Variants in ETFA observed in about 807,000 individuals in gnomAD.
ETFA encodes the protein electron transfer flavoprotein subunit alpha, mitochondrial.
Under a neutral mutation model 46.2 loss-of-function variants are expected in ETFA, and 22 were observed. That is an observed-to-expected ratio of 0.48 (90% CI 0.34 to 0.68). The LOEUF (loss-of-function observed/expected upper bound fraction) is 0.68. Among genes scored for constraint, ETFA ranks in the 30% least tolerant of loss-of-function variants. The pLI is 0.01. For missense variants in ETFA, 345 were observed against 401.1 expected (o/e 0.86, Z 1.19); for synonymous variants, 131 against 139.9 (o/e 0.94, Z 0.45).
chr15:76,285,088 T>G lies in ETFA; in HGVS notation c.664+549A>C, dbSNP rs549774319. On this transcript the variant is annotated intron_variant, in intron 7 of 11. Transcript: ENST00000557943. ...AAAAAGCATAACAGTCCTTATTTTT[T>G]CAAAAAGTTAGTCAGTGGGCCATAA... is the stretch of plus-strand genomic sequence containing the variant. Among the ~76,000 whole-genome samples, 4 of 152,268 alleles carry G rather than the reference T, an allele frequency of 2.6e-5. No individual in the cohort carries two copies. The South Asian group carries it at 8.3e-4, about 32-fold the overall frequency.
At chr15:76,274,175 G>C (rs1272563021) in intron 9 of ETFA, 4 of 512,418 alleles carry the variant, frequency 7.8e-6, no homozygotes, top group Non-Finnish European at 1.4e-5. Flanking sequence ...GACTTAATTT[G>C]ATAAAATGTT....
chr15:76,260,974 A>C, intron 9 of ETFA: 2 of 1,610,190 alleles, frequency 1.2e-6, no homozygotes, highest in African/African-American at 2.7e-5. Flanking sequence ...CCTGGCATCC[A>C]GGCCACACTA....
chr15:76,236,976 T>A (rs940575232), intron 9 of ETFA, among the ~76,000 whole-genome samples: 1 of 152,150 alleles, frequency 6.6e-6, no homozygotes, highest in African/African-American at 2.4e-5. Flanking sequence ...AAATGGAAAT[T>A]TAAAAATACA....
At chr15:76,235,027 A>G (rs528689100) in intron 9 of ETFA, among the ~76,000 whole-genome samples, 1 of 152,270 alleles carries the variant, frequency 6.6e-6, no homozygotes, top group South Asian at 2.1e-4. Flanking sequence ...TAGGCTCTGT[A>G]GCCTCATTGC....
intron 7 of ETFA, 51 bp from the exon 8 acceptor site, chr15:76,283,876 T>G (rs1238286218): frequency 7.4e-7 from 1 of 1,356,416 alleles, no homozygotes; most frequent in Admixed American, 1.7e-5. Flanking sequence ...AAATACATTC[T>G]GGAACAATTT....
At chr15:76,262,518 T>C (rs1451703760) in intron 9 of ETFA, among the ~76,000 whole-genome samples, 1 of 134,294 alleles carries the variant, frequency 7.4e-6, no homozygotes, top group Non-Finnish European at 1.5e-5. Context: ...TGTCTCGCTC[T>C]GTCACCCAGG....
At chr15:76,289,691 G>C (rs1320033325) in intron 4 of ETFA, among the ~76,000 whole-genome samples, 1 of 152,156 alleles carries the variant, frequency 6.6e-6, no homozygotes, top group Non-Finnish European at 1.5e-5. Flanking sequence ...TAAAATTCTA[G>C]CAGACAAGTA....
intron 11 of ETFA, among the ~76,000 whole-genome samples, chr15:76,221,885 TAA>T (rs1320475077): frequency 2.0e-5 from 3 of 152,194 alleles, no homozygotes; most frequent in Non-Finnish European, 2.9e-5. Flanking sequence ...ACAATTAATA[TAA>T]GAGAATAAAA....
intron 9 of ETFA, among the ~76,000 whole-genome samples, chr15:76,256,965 T>C (rs1287041823): frequency 2.0e-5 from 3 of 152,252 alleles, no homozygotes; most frequent in Non-Finnish European, 4.4e-5. Flanking sequence ...TCTAGGTTTG[T>C]GTAAGTACAC....
At chr15:76,262,297 A>C (rs749678728) in intron 9 of ETFA, among the ~76,000 whole-genome samples, 46 of 151,990 alleles carry the variant, frequency 3.0e-4, no homozygotes, top group African/African-American at 1.1e-3. Flanking sequence ...TATCTAAAAC[A>C]TGTGTAACTA....
In ETFA at chr15:76,274,601, T is replaced by C. The variant is rs149102851; in HGVS notation, c.734-107A>G. On this transcript the variant is annotated intron_variant, in intron 8 of 11. Coordinates refer to ENST00000557943, the MANE Select transcript of ETFA (RefSeq NM_000126.4). ...GACATTGATTTAGAATTCTAAGTAC[T>C]AGTATATTTTATACAGAAAGCTTCA... 911 of 885,234 alleles carry C rather than the reference T, an allele frequency of 1.0e-3. 5 individuals are homozygous for C. The African/African-American group carries it at 0.013, about 13-fold the overall frequency. 54.8% of individuals were successfully genotyped at this position (885,234 alleles called of 1,614,324 possible).
chr15:76,232,577 T>C (rs2039080080), intron 9 of ETFA, among the ~76,000 whole-genome samples: 1 of 152,240 alleles, frequency 6.6e-6, no homozygotes, highest in South Asian at 2.1e-4. Flanking sequence ...CCCACCTTGT[T>C]TTCTGCACTG....
At chr15:76,271,940 CCCT>C (rs1385370441) in intron 9 of ETFA, among the ~76,000 whole-genome samples, 2 of 150,008 alleles carry the variant, frequency 1.3e-5, no homozygotes, top group East Asian at 2.0e-4. Flanking sequence ...CACACACACA[CCCT>C]GAGTTAATGA....
At position 76,295,591 on chromosome 15, in the gene ETFA, C is replaced by T; in HGVS notation, c.186G>A (p.Lys62=). The change falls in exon 2 of 12, where the codon AAG becomes AAA. Residue 62 remains lysine (K), a splice_region_variant and synonymous_variant. Coordinates refer to ENST00000557943, the MANE Select transcript of ETFA (RefSeq NM_000126.4). ...ATGGCTGACCTTAAAAATTTCTCAC[C>T]TTGTCACATTTGGTTCCAGCTACTA... ...SCLVAGTKCD[K]VAQDLCKVAG... 1 of 1,613,286 alleles carries T rather than the reference C, an allele frequency of 6.2e-7. No homozygotes were observed. The highest frequency in any genetic ancestry group is 8.5e-7 in the Non-Finnish European group (1 of 1,179,344).
intron 11 of ETFA, among the ~76,000 whole-genome samples, chr15:76,222,604 C>T (rs55772702): frequency 0.099 from 15,019 of 152,110 alleles, 906 homozygotes; most frequent in South Asian, 0.14. Flanking sequence ...TGGTGAGCCA[C>T]CCAGCTGTAG....
chr15:76,236,087 T>G (rs2039119372), intron 9 of ETFA, among the ~76,000 whole-genome samples: 1 of 152,220 alleles, frequency 6.6e-6, no homozygotes, highest in Admixed American at 6.5e-5. Flanking sequence ...AGAAAGTAAG[T>G]ATATACTAAC....
intron 10 of ETFA, among the ~76,000 whole-genome samples, chr15:76,227,425 G>T (rs2039014725): frequency 6.8e-6 from 1 of 146,062 alleles, no homozygotes; most frequent in Non-Finnish European, 1.5e-5. Flanking sequence ...GCTCAGACAG[G>T]AGAATCGCTC....
chr15:76,263,155 C>G (rs192284293), intron 9 of ETFA, among the ~76,000 whole-genome samples: 66 of 152,336 alleles, frequency 4.3e-4, no homozygotes, highest in Non-Finnish European at 7.9e-4. Flanking sequence ...CCACCTGTTT[C>G]TTTGTTTGAT....
At chr15:76,281,425 A>C (rs1012614926) in intron 8 of ETFA, among the ~76,000 whole-genome samples, 3 of 149,940 alleles carry the variant, frequency 2.0e-5, no homozygotes, top group African/African-American at 7.4e-5. Flanking sequence ...ACGACTCTCT[A>C]ACATTTTTTT....
Sources: gnomAD v4.1 joint callset for allele counts (sites outside exome capture counted in the v4.1 genomes callset) on GRCh38, gnomAD v4.1.1 for gene constraint, MANE v1.5 for transcripts, NCBI Gene and HGNC (gene_info 2026-07-23, HGNC 2026-07-21) for gene names.